Variants in CYP19A1 observed in about 807,000 individuals in gnomAD.
CYP19A1 encodes the protein aromatase.
CYP19A1 carries 32 observed loss-of-function variants against 44.4 expected under a neutral mutation model. The ratio of observed to expected loss-of-function variants is 0.72; its 90% CI spans 0.54 to 0.97. The LOEUF is 0.97. Ranked by LOEUF, CYP19A1 falls within the 50% of genes least tolerant of loss-of-function variation. CYP19A1 has a pLI of 0.00. For synonymous variants in CYP19A1, 212 were observed against 215.6 expected (o/e 0.98, Z 0.14); for missense variants, 598 against 637.8 (o/e 0.94, Z 0.67).
intron 2 of CYP19A1, among the ~76,000 whole-genome samples, chr15:51,240,807 C>A (rs945420058): frequency 2.0e-5 from 3 of 152,296 alleles, no homozygotes; most frequent in South Asian, 4.1e-4. Flanking sequence ...GGGGAGATGA[C>A]AAGCCATTTC....
intron 1 of CYP19A1, among the ~76,000 whole-genome samples, chr15:51,281,408 A>C (rs2035512467): frequency 6.6e-6 from 1 of 152,200 alleles, no homozygotes; most frequent in Non-Finnish European, 1.5e-5. Context: ...GCTTTTTCCA[A>C]GCCCTTTCAG....
intron 1 of CYP19A1, among the ~76,000 whole-genome samples, chr15:51,310,464 A>T (rs1215284730): frequency 1.3e-5 from 2 of 152,198 alleles, no homozygotes; most frequent in African/African-American, 4.8e-5. Context: ...CCTCTGCAAG[A>T]CAAAAAGTGT....
At chr15:51,273,192 A>G (rs1319561731) in intron 1 of CYP19A1, among the ~76,000 whole-genome samples, 3 of 151,984 alleles carry the variant, frequency 2.0e-5, no homozygotes, top group Non-Finnish European at 4.4e-5. Flanking sequence ...CTCCTGATCC[A>G]CCCACCTCGG....
chr15:51,268,363 T>C (rs927082919), intron 1 of CYP19A1, among the ~76,000 whole-genome samples: 2 of 152,244 alleles, frequency 1.3e-5, no homozygotes, highest in African/African-American at 4.8e-5. Context: ...GTACTCTTTT[T>C]CATCTGGCTT....
At chr15:51,232,824 C>A (rs537450445) in intron 3 of CYP19A1, among the ~76,000 whole-genome samples, 3 of 152,348 alleles carry the variant, frequency 2.0e-5, no homozygotes, top group East Asian at 3.9e-4. Context: ...CTATTCTCAA[C>A]AGAGCAGCCA....
chr15:51,218,615 TG>T lies in CYP19A1; in HGVS notation c.668del (p.Ala223AspfsTer29). 1 of 1,613,844 alleles carries T rather than the reference TG, an allele frequency of 6.2e-7. No homozygotes were observed. The highest frequency in any genetic ancestry group is 8.5e-7 in the Non-Finnish European group (1 of 1,179,918). ...IVVKIQGYFD[A>X]WQALLIKPDI... Reference sequence around the variant, plus strand: ...CTGGTTTGATGAGGAGAGCTTGCCATGCATCAAAATAACCTTGGATTTTAAC... The same window carrying T: ...CTGGTTTGATGAGGAGAGCTTGCCATCATCAAAATAACCTTGGATTTTAAC... On this transcript the variant is annotated frameshift_variant, in exon 6 of 10. Transcript: ENST00000396402. LOFTEE classifies it high-confidence loss of function.
At chr15:51,229,389 CAAAA>C (rs202007253) in intron 3 of CYP19A1, among the ~76,000 whole-genome samples, 2 of 96,536 alleles carry the variant, frequency 2.1e-5, no homozygotes, top group African/African-American at 4.4e-5. Context: ...GATCCTATCT[CAAAA>C]AAAAAAAAAA....
At chr15:51,263,842 G>A (rs1159794523) in intron 1 of CYP19A1, among the ~76,000 whole-genome samples, 1 of 152,238 alleles carries the variant, frequency 6.6e-6, no homozygotes, top group Non-Finnish European at 1.5e-5. Context: ...GAAAAGCACA[G>A]TAAACCTGCT....
chr15:51,262,366 A>G (rs1179059407), intron 1 of CYP19A1, among the ~76,000 whole-genome samples: 5 of 152,048 alleles, frequency 3.3e-5, no homozygotes, highest in Non-Finnish European at 4.4e-5. Flanking sequence ...TCCACATGCT[A>G]TATTTCTGTG....
chr15:51,307,002 A>G (rs2036228047), intron 1 of CYP19A1, among the ~76,000 whole-genome samples: 1 of 152,270 alleles, frequency 6.6e-6, no homozygotes, highest in African/African-American at 2.4e-5. Flanking sequence ...AGAGATAATA[A>G]GTAAACCAGG....
intron 1 of CYP19A1, among the ~76,000 whole-genome samples, chr15:51,296,268 G>A (rs1156745391): frequency 6.6e-6 from 1 of 152,034 alleles, no homozygotes; most frequent in Non-Finnish European, 1.5e-5. Flanking sequence ...GAAAGAGTCC[G>A]AGGAGAAGAG....
At chr15:51,298,647 C>T (rs962940101) in intron 1 of CYP19A1, among the ~76,000 whole-genome samples, 1 of 152,216 alleles carries the variant, frequency 6.6e-6, no homozygotes, top group African/African-American at 2.4e-5. Flanking sequence ...GAACAGCAGT[C>T]CAAAACATTC....
chr15:51,247,077 T>C (rs1481885572), intron 1 of CYP19A1, among the ~76,000 whole-genome samples: 1 of 152,202 alleles, frequency 6.6e-6, no homozygotes, highest in African/African-American at 2.4e-5. Flanking sequence ...TGGACCCATT[T>C]GGCCATTCCT....
intron 1 of CYP19A1, among the ~76,000 whole-genome samples, chr15:51,248,524 G>A (rs1482696123): frequency 6.6e-6 from 1 of 152,196 alleles, no homozygotes; most frequent in Non-Finnish European, 1.5e-5. Context: ...ATTATTCTGA[G>A]TGGATGTATG....
At chr15:51,227,262 TAAC>T (rs1206286025) in intron 4 of CYP19A1, among the ~76,000 whole-genome samples, 1 of 152,136 alleles carries the variant, frequency 6.6e-6, no homozygotes, top group African/African-American at 2.4e-5. Context: ...TTGTAGGAGA[TAAC>T]AACATTTACC....
intron 1 of CYP19A1, among the ~76,000 whole-genome samples, chr15:51,300,415 A>C (rs961088332): frequency 6.6e-6 from 1 of 152,206 alleles, no homozygotes; most frequent in Non-Finnish European, 1.5e-5. Context: ...ACTTTGGTGC[A>C]TTTCAACTGC....
Position 51,227,793 on chromosome 15 carries a change from G to A in CYP19A1, c.437C>T (p.Pro146Leu). ...TACCTGCTTACCTTTCATAAAGAAG[G>A]GTCGAGTTGTTTTCCAGAGCTCTGG... Reference protein sequence around the residue: ...NNPELWKTTRPFFMKALSGPG... With the variant: ...NNPELWKTTRLFFMKALSGPG... Residue 146 changes from proline to leucine, a missense_variant, in exon 4 of 10, where the codon CCC becomes CTC. Pro to Leu is a moderately conservative substitution (Grantham distance 98, BLOSUM62 -3). Transcript: ENST00000396402. 1 of 1,524,944 alleles carries A rather than the reference G, an allele frequency of 6.6e-7. No homozygotes were observed. Among genetic ancestry groups the A allele is most frequent in the East Asian group, 2.3e-5 (1 of 44,436 alleles). 94.5% of individuals were successfully genotyped at this position (1,524,944 alleles called of 1,614,324 possible).
At chr15:51,261,238 C>T (rs1000235933) in intron 1 of CYP19A1, among the ~76,000 whole-genome samples, 1 of 152,154 alleles carries the variant, frequency 6.6e-6, no homozygotes, top group African/African-American at 2.4e-5. Context: ...GGTTCCATTC[C>T]TTGGAATCTG....
chr15:51,261,627 C>T (rs2034725101), intron 1 of CYP19A1, among the ~76,000 whole-genome samples: 1 of 152,192 alleles, frequency 6.6e-6, no homozygotes, highest in Non-Finnish European at 1.5e-5. Flanking sequence ...ACTGCATAAG[C>T]ACTCGTGTTG....
Sources: gnomAD v4.1 joint callset for allele counts (sites outside exome capture counted in the v4.1 genomes callset) on GRCh38, gnomAD v4.1.1 for gene constraint, MANE v1.5 for transcripts, NCBI Gene and HGNC (gene_info 2026-07-23, HGNC 2026-07-21) for gene names.